Variants in MAST4 observed in about 807,000 individuals in gnomAD.
MAST4 encodes microtubule-associated serine/threonine-protein kinase 4.
In MAST4, 89 loss-of-function variants were observed where a neutral mutation model predicts 162.7. The observed-to-expected ratio is 0.55, with a 90% CI of 0.46 to 0.65. The LOEUF is 0.65. MAST4 is among the 30% of genes least tolerant of loss of function. The probability of loss-of-function intolerance (pLI) is 0.00; values close to 1 mark genes in which losing one functional copy is unlikely to be tolerated. For synonymous variants in MAST4, 1,479 were observed against 1,361.1 expected (o/e 1.09, Z -1.91); for missense variants, 3,153 against 3,374.0 (o/e 0.93, Z 1.62).
intron 4 of MAST4, chr5:66,959,304 G>A (rs186321477): frequency 1.3e-6 from 1 of 779,682 alleles, no homozygotes; most frequent in East Asian, 2.4e-5. Context: ...AGTAAGTATT[G>A]TCTGTCTTTA....
At chr5:66,937,887 C>T (rs1431610907) in intron 4 of MAST4, among the ~76,000 whole-genome samples, 6 of 151,840 alleles carry the variant, frequency 4.0e-5, no homozygotes, top group South Asian at 2.1e-4. Context: ...TTGTAGTTAA[C>T]CCATATTTTT....
At chr5:67,001,977 A>G (rs1751349156) in intron 4 of MAST4, 1 of 152,144 alleles carries the variant, frequency 6.6e-6, no homozygotes, top group African/African-American at 2.4e-5. Context: ...ATATAGCACA[A>G]GTTCATGTCC....
chr5:67,128,901 C>T (rs1768579737), intron 14 of MAST4, among the ~76,000 whole-genome samples: 1 of 152,154 alleles, frequency 6.6e-6, no homozygotes. Context: ...ACCTGTTCCC[C>T]CATGATATTG....
chr5:66,678,835 A>G (rs1287637279), intron 1 of MAST4, among the ~76,000 whole-genome samples: 2 of 150,434 alleles, frequency 1.3e-5, no homozygotes, highest in African/African-American at 4.9e-5. Flanking sequence ...TCTGTCGCCC[A>G]GGCTAGAGTG....
chr5:66,709,366 A>T (rs1203973522), intron 1 of MAST4, among the ~76,000 whole-genome samples: 1 of 152,190 alleles, frequency 6.6e-6, no homozygotes, highest in East Asian at 1.9e-4. Flanking sequence ...CCCAGGCTGG[A>T]GTGCAGAGGT....
chr5:66,944,885 C>G (rs937685660), intron 4 of MAST4, among the ~76,000 whole-genome samples: 1 of 152,070 alleles, frequency 6.6e-6, no homozygotes, highest in African/African-American at 2.4e-5. Context: ...AAAGGACTTA[C>G]CTGATTAGGT....
chr5:66,691,566 C>A (rs1749041408), intron 1 of MAST4, among the ~76,000 whole-genome samples: 1 of 152,150 alleles, frequency 6.6e-6, no homozygotes, highest in South Asian at 2.1e-4. Context: ...TTGCACAATT[C>A]TGGAACTTGG....
intron 4 of MAST4, chr5:66,902,680 G>C: frequency 2.1e-6 from 1 of 470,544 alleles, no homozygotes; most frequent in Non-Finnish European, 4.4e-6. Context: ...CTGGGTAATA[G>C]ACAAGAGAAG....
chr5:66,914,920 T>G (rs909702508), intron 4 of MAST4, among the ~76,000 whole-genome samples: 2 of 152,012 alleles, frequency 1.3e-5, no homozygotes, highest in African/African-American at 4.8e-5. Context: ...GCCCAAAATA[T>G]CAGTAGTGCT....
intron 1 of MAST4, among the ~76,000 whole-genome samples, chr5:66,600,511 T>C (rs1159736195): frequency 1.3e-5 from 2 of 152,264 alleles, no homozygotes; most frequent in African/African-American, 4.8e-5. Flanking sequence ...TTTGTCTTTG[T>C]ACGCCTAGCA....
At chr5:67,068,966 C>T (rs564909432) in intron 5 of MAST4, among the ~76,000 whole-genome samples, 22 of 151,812 alleles carry the variant, frequency 1.4e-4, no homozygotes, top group Non-Finnish European at 2.5e-4. Flanking sequence ...AAAAACCATG[C>T]ATTTCCTAAG....
chr5:66,695,857 T>C (rs1749364954), intron 1 of MAST4, among the ~76,000 whole-genome samples: 1 of 152,158 alleles, frequency 6.6e-6, no homozygotes, highest in African/African-American at 2.4e-5. Context: ...ATTGGTTATA[T>C]ACCCAAAGGA....
chr5:66,779,587 G>A (rs1754758900), intron 2 of MAST4, among the ~76,000 whole-genome samples: 1 of 152,080 alleles, frequency 6.6e-6, no homozygotes, highest in African/African-American at 2.4e-5. Flanking sequence ...ACAAGAAATT[G>A]GAAGTCAGTC....
chr5:66,842,314 A>G (rs2149790026), intron 3 of MAST4, among the ~76,000 whole-genome samples: 1 of 152,336 alleles, frequency 6.6e-6, no homozygotes, highest in East Asian at 1.9e-4. Context: ...TCAATGTAGC[A>G]GAGAAGGCAT....
intron 3 of MAST4, among the ~76,000 whole-genome samples, chr5:66,801,688 T>G (rs763146222): frequency 1.3e-5 from 2 of 152,216 alleles, no homozygotes; most frequent in Admixed American, 6.5e-5. Context: ...TTATTTTATT[T>G]TTAAGTGGAA....
intron 1 of MAST4, among the ~76,000 whole-genome samples, chr5:66,709,694 A>G (rs1157739677): frequency 1.3e-5 from 2 of 152,164 alleles, no homozygotes; most frequent in African/African-American, 4.8e-5. Flanking sequence ...TATAAAACAT[A>G]TCAATTATAA....
chr5:66,921,594 T>TA lies in MAST4; in HGVS notation c.674+21620dup, dbSNP rs534336372. Among the ~76,000 whole-genome samples the TA allele has an allele frequency of 6.1e-4, 92 of 151,656 alleles. 1 individual carries two copies. Among genetic ancestry groups the TA allele is most frequent in the African/African-American group, 2.0e-3 (81 of 41,366 alleles). On this transcript the variant is annotated intron_variant, in intron 4 of 28. Coordinates refer to ENST00000403625, the MANE Select transcript of MAST4 (RefSeq NM_001164664.2). Reference sequence around the variant, plus strand: ...CAACATGGTGAAACCTCATCTCTACTAAAAAAAATACAAAAATTAGCCGGT... The same window carrying TA: ...CAACATGGTGAAACCTCATCTCTACTAAAAAAAAATACAAAAATTAGCCGGT...
Position 67,057,191 on chromosome 5 carries a change from G to C in MAST4, c.763+2699G>C, listed in dbSNP as rs116161828. On this transcript the variant is annotated intron_variant, in intron 5 of 28. Coordinates refer to ENST00000403625, the MANE Select transcript of MAST4 (RefSeq NM_001164664.2). ...GCCCCACATCCTGATAACATGCAGTGCCTCTTCACCAGCCATGCCTTTTGC... is the reference window on the plus strand; with the variant it reads ...GCCCCACATCCTGATAACATGCAGTCCCTCTTCACCAGCCATGCCTTTTGC... Among the ~76,000 whole-genome samples, 370 of 152,222 alleles carry C rather than the reference G, an allele frequency of 2.4e-3. 1 individual carries two copies. The highest frequency in any genetic ancestry group is 0.01 in the Middle Eastern group (3 of 294).
intron 8 of MAST4, among the ~76,000 whole-genome samples, chr5:67,101,554 C>T (rs1308681889): frequency 6.6e-6 from 1 of 152,090 alleles, no homozygotes; most frequent in African/African-American, 2.4e-5. Context: ...GATCTTTATG[C>T]TATAGAATTA....
Sources: gnomAD v4.1 joint callset for allele counts (sites outside exome capture counted in the v4.1 genomes callset) on GRCh38, gnomAD v4.1.1 for gene constraint, MANE v1.5 for transcripts, NCBI Gene and HGNC (gene_info 2026-07-23, HGNC 2026-07-21) for gene names.